CUL3: variants seen among roughly 807,000 people sequenced by gnomAD.
CUL3 encodes the protein cullin-3.
Under a neutral mutation model 89.1 loss-of-function variants are expected in CUL3, and 19 were observed. The observed-to-expected ratio is 0.21, with a 90% CI of 0.15 to 0.31. CUL3 has a LOEUF of 0.31. Ranked by LOEUF, CUL3 falls within the 10% of genes least tolerant of loss-of-function variation. CUL3 has a pLI of 1.00. For synonymous variants in CUL3, 351 were observed against 308.4 expected (o/e 1.14, Z -1.45); for missense variants, 469 against 942.3 (o/e 0.50, Z 6.58).
At chr2:224,584,604 C>A (rs1354132070) in intron 1 of CUL3, among the ~76,000 whole-genome samples, 7 of 152,026 alleles carry the variant, frequency 4.6e-5, no homozygotes, top group Middle Eastern at 3.4e-3. Context: ...CTGCTAGCAG[C>A]GCCGGAGACT....
At chr2:224,500,192 C>T (rs1692324590) in intron 11 of CUL3, 171 bp downstream of exon 11, 1 of 642,318 alleles carries the variant, frequency 1.6e-6, no homozygotes, top group Non-Finnish European at 2.6e-6. Context: ...CTTTACTCAT[C>T]AAGATCCTAT....
chr2:224,526,081 A>C lies in CUL3; in HGVS notation c.378+9447T>G, dbSNP rs1693462763. 3.3e-5 allele frequency among the ~76,000 whole-genome samples: 5 copies of C among 152,214 alleles called. No homozygotes were observed. The South Asian group carries it at 1.0e-3, about 32-fold the overall frequency. ...TTTCCAAAGGATCTATGACTCCCAA[A>C]AGATAAGAATCAGATCTCTTGTCCA... On this transcript the variant is annotated intron_variant, in intron 3 of 15. Coordinates refer to ENST00000264414, the MANE Select transcript of CUL3 (RefSeq NM_003590.5).
At chr2:224,549,777 C>T (rs1226356785) in intron 2 of CUL3, among the ~76,000 whole-genome samples, 1 of 152,022 alleles carries the variant, frequency 6.6e-6, no homozygotes, top group Non-Finnish European at 1.5e-5. Flanking sequence ...CCTTAACATG[C>T]CCAAAAGTAG....
chr2:224,476,695 A>G (rs1574607555), intron 15 of CUL3, among the ~76,000 whole-genome samples: 1 of 152,184 alleles, frequency 6.6e-6, no homozygotes, highest in East Asian at 1.9e-4. Context: ...GTACACTACC[A>G]TCATCATACT....
chr2:224,530,220 CAG>C (rs1693644455), intron 3 of CUL3, among the ~76,000 whole-genome samples: 1 of 152,150 alleles, frequency 6.6e-6, no homozygotes, highest in South Asian at 2.1e-4. Flanking sequence ...GCCTGGGCAA[CAG>C]AGTGAGACTC....
At chr2:224,578,096 C>A (rs1464649644) in intron 1 of CUL3, among the ~76,000 whole-genome samples, 1 of 152,060 alleles carries the variant, frequency 6.6e-6, no homozygotes, top group African/African-American at 2.4e-5. Flanking sequence ...TTATTATTAC[C>A]CTTATGGAGG....
rs947851729 is a variant in CUL3 at position 224,500,262 on chromosome 2, G to A, written c.1610+101C>T. ...TCCTTTTGATCACGAGGTAATAAAT[G>A]GAATACATTCATCCTCAATTACGGA... On this transcript the variant is annotated intron_variant, in intron 11 of 15. Coordinates refer to ENST00000264414, the MANE Select transcript of CUL3 (RefSeq NM_003590.5). The A allele has an allele frequency of 1.7e-5, 23 of 1,345,808 alleles. No individual in the cohort carries two copies. The South Asian group carries it at 2.0e-4, about 12-fold the overall frequency. The allele number at this position is 1,345,808 out of a possible 1,614,324, so 83.4% of individuals were successfully genotyped here.
At chr2:224,577,644 C>T (rs1387158740) in intron 1 of CUL3, among the ~76,000 whole-genome samples, 1 of 151,650 alleles carries the variant, frequency 6.6e-6, no homozygotes, top group East Asian at 1.9e-4. Flanking sequence ...AACTACTATG[C>T]TTTCAGTCTC....
At chr2:224,537,122 G>T (rs1693928061) in intron 2 of CUL3, among the ~76,000 whole-genome samples, 1 of 152,106 alleles carries the variant, frequency 6.6e-6, no homozygotes, top group Non-Finnish European at 1.5e-5. Flanking sequence ...TGTATGTTGA[G>T]ATATATAGAC....
rs2106203629 is a variant in CUL3, at chr2:224,506,097, G to A, written c.1065C>T (p.Phe355=). 1 of 1,606,800 alleles carries A rather than the reference G, an allele frequency of 6.2e-7. No individual in the cohort carries two copies. The highest frequency in any genetic ancestry group is 8.5e-7 in the Non-Finnish European group (1 of 1,176,232). ...LLDLKSRFDR[F]LLESFNNDRL... is the part of the protein sequence containing the mutation. ...GGTCATTGTTGAATGATTCCAGGAG[G>A]AAGCGATCGAACCTACTCTTCAGAT... Residue 355 remains phenylalanine (F), a synonymous_variant, in exon 8 of 16, where the codon TTC becomes TTT. Transcript: ENST00000264414.
chr2:224,506,747 T>A, intron 7 of CUL3, 111 bp downstream of exon 7: 1 of 889,056 alleles, frequency 1.1e-6, no homozygotes, highest in South Asian at 2.2e-5. Context: ...AATTTACTAC[T>A]GGGACAATTA....
At position 224,473,186 on chromosome 2, in the gene CUL3, C is replaced by T. The variant is rs906265406; in HGVS notation, c.*1059G>A. On this transcript the variant is annotated 3_prime_UTR_variant, in exon 16 of 16. Coordinates refer to ENST00000264414, the MANE Select transcript of CUL3 (RefSeq NM_003590.5). ...ACACAGCTGCAAGAATTGAAGATTT[C>T]ATTAAAACTATCAAGGTCATCATAT... The T allele has an allele frequency of 4.1e-5, 8 of 197,226 alleles. No homozygotes were observed. The highest frequency in any genetic ancestry group is 7.4e-5 in the Non-Finnish European group (7 of 94,762). The allele number at this position is 197,226 out of a possible 1,614,324, so 12.2% of individuals were successfully genotyped here.
chr2:224,489,128 A>G (rs533163804), intron 13 of CUL3, among the ~76,000 whole-genome samples: 2 of 152,378 alleles, frequency 1.3e-5, no homozygotes, highest in South Asian at 2.1e-4. Flanking sequence ...AGAGCTATCT[A>G]TGACAAACCC....
At chr2:224,536,545 C>T (rs1391655855) in intron 2 of CUL3, among the ~76,000 whole-genome samples, 3 of 152,134 alleles carry the variant, frequency 2.0e-5, no homozygotes, top group African/African-American at 7.2e-5. Context: ...TATCCCACAC[C>T]TAGAATAGTG....
At chr2:224,526,712 T>C (rs531286023) in intron 3 of CUL3, among the ~76,000 whole-genome samples, 1 of 151,420 alleles carries the variant, frequency 6.6e-6, no homozygotes, top group Non-Finnish European at 1.5e-5. Context: ...CTTAATGTCA[T>C]GGACTGCTAA....
intron 1 of CUL3, among the ~76,000 whole-genome samples, chr2:224,559,852 C>T (rs559911698): frequency 2.2e-4 from 33 of 152,210 alleles, no homozygotes; most frequent in Middle Eastern, 3.4e-3. Context: ...AAAGTCAAAG[C>T]GGGAGGATCA....
chr2:224,531,350 A>G (rs1693689543), intron 3 of CUL3, among the ~76,000 whole-genome samples: 3 of 152,048 alleles, frequency 2.0e-5, no homozygotes, highest in Non-Finnish European at 4.4e-5. Context: ...GGCCTCCCCA[A>G]GTACTGGAAT....
intron 3 of CUL3, among the ~76,000 whole-genome samples, chr2:224,523,119 T>C (rs1693330157): frequency 1.3e-5 from 2 of 152,182 alleles, no homozygotes; most frequent in African/African-American, 4.8e-5. Flanking sequence ...AGAAGACCTG[T>C]ATTAGAGAAG....
rs977497292 is a variant in CUL3 at position 224,473,066 on chromosome 2, T to C, written c.*1179A>G. ...ACAAGAATCTTCAGCACAAAGCACA[T>C]GTTTGAAAACGTGAAACGATGACTC... On this transcript the variant is annotated 3_prime_UTR_variant, in exon 16 of 16. Transcript: ENST00000264414. The C allele has an allele frequency of 1.0e-5, 2 of 200,618 alleles. No individual in the cohort carries two copies. The highest frequency in any genetic ancestry group is 1.2e-4 in the Admixed American group (2 of 16,658). 12.4% of individuals were successfully genotyped at this position (200,618 alleles called of 1,614,324 possible).
Sources: gnomAD v4.1 joint callset for allele counts (sites outside exome capture counted in the v4.1 genomes callset) on GRCh38, gnomAD v4.1.1 for gene constraint, MANE v1.5 for transcripts, NCBI Gene and HGNC (gene_info 2026-07-23, HGNC 2026-07-21) for gene names.